Variants in ERCC5 observed in about 807,000 individuals in gnomAD.
ERCC5 encodes the protein ERCC excision repair 5, endonuclease, also known as DNA excision repair protein ERCC-5.
In ERCC5, 68 loss-of-function variants were observed where a neutral mutation model predicts 105.6. The ratio of observed to expected loss-of-function variants is 0.64; its 90% confidence interval spans 0.53 to 0.79. The LOEUF (loss-of-function observed/expected upper bound fraction) is 0.79, where lower values mean the gene tolerates loss of function less well. ERCC5 is among the 30% of genes least tolerant of loss of function. The pLI, the probability that ERCC5 is intolerant of heterozygous loss-of-function variation, is 0.00. For synonymous variants in ERCC5, 546 were observed against 526.2 expected (o/e 1.04, Z -0.51); for missense variants, 1,373 against 1,426.7 (o/e 0.96, Z 0.61).
At position 102,875,693 on chromosome 13, in the gene ERCC5, A is replaced by G. The variant is rs1263306641; in HGVS notation, c.3351A>G (p.Thr1117=). 2 of 1,614,128 alleles carry G rather than the reference A, an allele frequency of 1.2e-6. No homozygotes were observed. The highest frequency in any genetic ancestry group is 2.7e-5 in the African/African-American group (2 of 74,948). The change falls in exon 15 of 15, where the codon ACA becomes ACG. Residue 1117 remains threonine, a synonymous_variant. Coordinates refer to ENST00000652225, the MANE Select transcript of ERCC5 (RefSeq NM_000123.4). ...CTTTAATGAATGTACAAAGGAGAAC[A>G]GCTGCGAAAGAGCCAAAAACCAGTG... ...SSSLMNVQRR[T]AAKEPKTSAS...
At chr13:102,871,720 A>G (rs1214383269) in intron 12 of ERCC5, among the ~76,000 whole-genome samples, 2 of 152,108 alleles carry the variant, frequency 1.3e-5, no homozygotes, top group Non-Finnish European at 2.9e-5. Flanking sequence ...TTTACATTTT[A>G]TTAAATATTC....
chr13:102,872,375 A>G lies in ERCC5; in HGVS notation c.2856A>G (p.Lys952=). 1.2e-6 allele frequency: 2 copies of G among 1,614,082 alleles called. No homozygotes were observed. Among genetic ancestry groups the G allele is most frequent in the South Asian group, 1.1e-5 (1 of 91,090 alleles). Residue 952 remains lysine, a synonymous_variant, in exon 13 of 15, where the codon AAA becomes AAG. Coordinates refer to ENST00000652225, the MANE Select transcript of ERCC5 (RefSeq NM_000123.4). ...CGAAGGGATCCTTTCTGTGGGGGAAACCTGATCTCGACAAAATTAGAGAAT... is the reference window on the plus strand; with the variant it reads ...CGAAGGGATCCTTTCTGTGGGGGAAGCCTGATCTCGACAAAATTAGAGAAT... ...DDSKGSFLWG[K]PDLDKIREFC...
At chr13:102,869,086 G>T (rs1241676702) in intron 12 of ERCC5, among the ~76,000 whole-genome samples, 3 of 152,262 alleles carry the variant, frequency 2.0e-5, no homozygotes, top group African/African-American at 7.2e-5. Context: ...ATCCTTGAGT[G>T]TTCTCTCCAG....
intron 6 of ERCC5, chr13:102,858,876 A>C (rs1161978810): frequency 4.6e-5 from 21 of 455,966 alleles, no homozygotes; most frequent in Non-Finnish European, 8.8e-5. Context: ...GAATCTAATC[A>C]CAATGGAAAA....
rs1210260305 is a variant in ERCC5, at chr13:102,858,388, CAGA to C, written c.647_649del (p.Arg216del). 6.2e-7 allele frequency: 1 copy of C among 1,614,012 alleles called. No individual in the cohort carries two copies. The highest frequency in any genetic ancestry group is 8.5e-7 in the Non-Finnish European group (1 of 1,179,990). ...CTGATATGAAAGAGTTCACCAAGCG[CAGA>C]AGAACATTATTTGAAGCAATGCCAG... On this transcript the variant is annotated inframe_deletion, in exon 6 of 15. Transcript: ENST00000652225.
rs984737017 is a variant in ERCC5, at chr13:102,846,071, C to T, written c.-196C>T. On this transcript the variant is annotated 5_prime_UTR_variant, in exon 1 of 15. Transcript: ENST00000652225. ...TGACAGCTGCTGAGACGTGTTGCAG[C>T]CAGAGTCTCTCCGCTTTAATGCGCT... The T allele has an allele frequency of 2.7e-5, 16 of 592,600 alleles. No individual in the cohort carries two copies. The highest frequency in any genetic ancestry group is 4.3e-4 in the Middle Eastern group (1 of 2,314). The allele number at this position is 592,600 out of a possible 1,614,324, so 36.7% of individuals were successfully genotyped here. A position where few individuals can be genotyped will look rare whatever the true frequency, so the allele number is the denominator to read the frequency against.
intron 4 of ERCC5, among the ~76,000 whole-genome samples, chr13:102,855,306 G>A (rs763364675): frequency 7.3e-5 from 11 of 151,602 alleles, no homozygotes; most frequent in Non-Finnish European, 1.5e-4. Context: ...CTGGAGTGCA[G>A]TGGCACAATC....
chr13:102,850,741 G>C (rs1311544026), intron 1 of ERCC5, among the ~76,000 whole-genome samples: 1 of 152,150 alleles, frequency 6.6e-6, no homozygotes, highest in Non-Finnish European at 1.5e-5. Context: ...TGTCTATGAG[G>C]TATGGGGTAG....
intron 1 of ERCC5, among the ~76,000 whole-genome samples, chr13:102,847,135 T>G (rs1468625835): frequency 2.6e-5 from 4 of 152,170 alleles, no homozygotes; most frequent in Non-Finnish European, 5.9e-5. Context: ...GGAAGGATAG[T>G]GTGGACAGGT....
intron 14 of ERCC5, chr13:102,874,725 GTGTAAGCCAGAA>G (rs1233012081): frequency 2.0e-5 from 3 of 152,742 alleles, no homozygotes; most frequent in East Asian, 1.9e-4. Context: ...GGGTTTCACC[GTGTAAGCCAGAA>G]TGGTCTCGAT....
rs746397636 is a variant in ERCC5, at chr13:102,868,264, TC to T, written c.2678+8del. ...AACCTCTCCTAAAATTCTCGTAAGG[TC>T]TTTTATTTCTTTAATTTGGATAATT... On this transcript the variant is annotated splice_region_variant and intron_variant, in intron 12 of 14. Coordinates refer to ENST00000652225, the MANE Select transcript of ERCC5 (RefSeq NM_000123.4). 3 of 1,614,156 alleles carry T rather than the reference TC, an allele frequency of 1.9e-6. No individual in the cohort carries two copies. In the African/African-American group the frequency reaches 4.0e-5, roughly 22 times the overall value.
chr13:102,867,380 G>T (rs1353136642), intron 11 of ERCC5, among the ~76,000 whole-genome samples: 2 of 152,244 alleles, frequency 1.3e-5, no homozygotes, highest in Admixed American at 6.5e-5. Flanking sequence ...CATCGAGAGT[G>T]CAGGTGCTGT....
At position 102,854,346 on chromosome 13, in the gene ERCC5, C is replaced by T. The variant is rs1424039167; in HGVS notation, c.439C>T (p.Pro147Ser). 2 of 1,614,132 alleles carry T rather than the reference C, an allele frequency of 1.2e-6. No individual in the cohort carries two copies. The highest frequency in any genetic ancestry group is 2.2e-5 in the South Asian group (2 of 91,082). The change falls in exon 4 of 15, where the codon CCT becomes TCT. Residue 147 changes from proline to serine, a missense_variant. This residue lies in a region of ERCC5 where 1,004 missense variants were observed against 1,059.7 expected (regional missense o/e 0.95). Coordinates refer to ENST00000652225, the MANE Select transcript of ERCC5 (RefSeq NM_000123.4). ...AAGAGAAAACGACCTCTATGTTTTG[C>T]CTCCTTTACAAGAGGAAGAAAAACA... ...VRRENDLYVL[P>S]PLQEEEKHSS...
chr13:102,851,160 G>C (rs1882186141), intron 1 of ERCC5, among the ~76,000 whole-genome samples: 1 of 152,054 alleles, frequency 6.6e-6, no homozygotes, highest in Non-Finnish European at 1.5e-5. Flanking sequence ...TCAGAAAATG[G>C]AGTTATACTT....
Position 102,862,253 on chromosome 13 carries a change from G to A in ERCC5, c.1104G>A (p.Gln368=). ...AGCTGGAGAGTGAAAATCGAAGGCA[G>A]GCCCGTGGGAGGAACGCACCTGCTG... ...EEELESENRR[Q]ARGRNAPAAV... The change falls in exon 8 of 15, where the codon CAG becomes CAA. Residue 368 remains glutamine (Q), a synonymous_variant. Coordinates refer to ENST00000652225, the MANE Select transcript of ERCC5 (RefSeq NM_000123.4). 1 of 1,614,166 alleles carries A rather than the reference G, an allele frequency of 6.2e-7. No individual in the cohort carries two copies.
At chr13:102,855,975 C>G in intron 4 of ERCC5, 77 bp from the exon 5 acceptor site, 1 of 1,427,264 alleles carries the variant, frequency 7.0e-7, no homozygotes, top group East Asian at 2.3e-5. Flanking sequence ...GTATAACGAG[C>G]AGAGCCTTGC....
intron 12 of ERCC5, among the ~76,000 whole-genome samples, chr13:102,871,887 T>G (rs907076613): frequency 3.9e-5 from 6 of 152,154 alleles, no homozygotes; most frequent in Non-Finnish European, 5.9e-5. Context: ...CTGTGAAATC[T>G]TGAGCCAGTT....
rs1595392198 is a variant in ERCC5 at position 102,875,402 on chromosome 13, A to G, written c.3060A>G (p.Thr1020=). 1 of 1,614,206 alleles carries G rather than the reference A, an allele frequency of 6.2e-7. No homozygotes were observed. Among genetic ancestry groups the G allele is most frequent in the Non-Finnish European group, 8.5e-7 (1 of 1,180,032 alleles). The stretch of plus-strand genomic sequence containing the variant: ...GCCAGAGACTAAACAGAGCTGTGAC[A>G]TGTATGCTAAGGAAAGAGAAAGAAG... The part of the protein sequence containing the change: ...IKSQRLNRAV[T]CMLRKEKEAA... The change falls in exon 15 of 15, where the codon ACA becomes ACG. Residue 1020 remains threonine (T), a synonymous_variant. Coordinates refer to ENST00000652225, the MANE Select transcript of ERCC5 (RefSeq NM_000123.4).
At chr13:102,846,754 A>C (rs924222979) in intron 1 of ERCC5, among the ~76,000 whole-genome samples, 1 of 150,572 alleles carries the variant, frequency 6.6e-6, no homozygotes, top group Non-Finnish European at 1.5e-5. Flanking sequence ...TTATTTATTT[A>C]TTTTTTTCCA....
Sources: allele counts gnomAD v4.1 joint callset (sites outside exome capture counted in the v4.1 genomes callset), GRCh38; gene constraint gnomAD v4.1.1; regional missense constraint gnomAD v4.1.1; transcripts MANE v1.5; gene names NCBI Gene and HGNC (gene_info 2026-07-23, HGNC 2026-07-21).